SLC41A2: variants seen among roughly 807,000 people sequenced by gnomAD.
SLC41A2 encodes solute carrier family 41 member 2, also known as SLC41A1-like 1.
In SLC41A2, 32 loss-of-function variants were observed where a neutral mutation model predicts 58.3. The observed-to-expected ratio is 0.55, with a 90% CI of 0.41 to 0.74. The LOEUF is 0.74. Ranked by LOEUF, SLC41A2 falls within the 30% of genes least tolerant of loss-of-function variation. SLC41A2 has a pLI of 0.00. For synonymous variants in SLC41A2, 190 were observed against 235.0 expected (o/e 0.81, Z 1.75); for missense variants, 514 against 680.6 (o/e 0.76, Z 2.72).
At chr12:104,931,662 G>C (rs891910122) in intron 1 of SLC41A2, 2 of 152,166 alleles carry the variant, frequency 1.3e-5, no homozygotes, top group African/African-American at 4.8e-5. Context: ...GGCCTTTGGG[G>C]GAAGACTTTC....
chr12:104,896,993 G>A (rs144234432), intron 3 of SLC41A2, among the ~76,000 whole-genome samples: 50 of 151,850 alleles, frequency 3.3e-4, no homozygotes, highest in Middle Eastern at 6.8e-3. Context: ...GCTTCAGGTG[G>A]CTTCACTGAG....
intron 2 of SLC41A2, among the ~76,000 whole-genome samples, chr12:104,913,262 G>C (rs2046162680): frequency 6.6e-6 from 1 of 152,172 alleles, no homozygotes; most frequent in Non-Finnish European, 1.5e-5. Flanking sequence ...GCGTGACCTT[G>C]AAAACTGAGT....
At chr12:104,939,008 C>T (rs994453350) in intron 1 of SLC41A2, among the ~76,000 whole-genome samples, 3 of 152,028 alleles carry the variant, frequency 2.0e-5, no homozygotes, top group African/African-American at 7.2e-5. Context: ...CATTTTAACA[C>T]CAAAAATGTA....
chr12:104,929,869 A>G (rs1307738335), intron 1 of SLC41A2, among the ~76,000 whole-genome samples: 1 of 152,228 alleles, frequency 6.6e-6, no homozygotes, highest in East Asian at 1.9e-4. Flanking sequence ...ATTCCTCAGT[A>G]TTTGTTTCCA....
intron 10 of SLC41A2, among the ~76,000 whole-genome samples, chr12:104,812,939 G>A (rs1364022055): frequency 6.6e-6 from 1 of 152,156 alleles, no homozygotes; most frequent in South Asian, 2.1e-4. Context: ...CAGCTGTTTG[G>A]GAGGCCAAGG....
At chr12:104,931,633 G>A (rs906353049) in intron 1 of SLC41A2, 5 of 152,196 alleles carry the variant, frequency 3.3e-5, no homozygotes, top group African/African-American at 1.2e-4. Context: ...ATGACTTACA[G>A]GGCTATTTCA....
chr12:104,904,043 T>C (rs1395750151), intron 3 of SLC41A2, among the ~76,000 whole-genome samples: 1 of 152,188 alleles, frequency 6.6e-6, no homozygotes, highest in Non-Finnish European at 1.5e-5. Context: ...GGTTTAACGG[T>C]AGTATGTGAT....
intron 8 of SLC41A2, among the ~76,000 whole-genome samples, chr12:104,848,068 A>C (rs1219776736): frequency 2.0e-5 from 3 of 152,212 alleles, no homozygotes; most frequent in African/African-American, 4.8e-5. Flanking sequence ...ATGGAACATT[A>C]ATGAAGATAG....
At chr12:104,866,375 C>CGT (rs1263607576) in intron 7 of SLC41A2, 57 bp downstream of exon 7, 145 of 1,429,680 alleles carry the variant, frequency 1.0e-4, no homozygotes, top group African/African-American at 9.6e-4. Context: ...CAAAGACAGA[C>CGT]AGACGTACAC....
At chr12:104,938,753 T>G (rs1164871663) in intron 1 of SLC41A2, among the ~76,000 whole-genome samples, 2 of 152,230 alleles carry the variant, frequency 1.3e-5, no homozygotes, top group African/African-American at 4.8e-5. Flanking sequence ...AATTGTTTAT[T>G]ATCACAGCAT....
chr12:104,840,108 CAG>C (rs2042358040), intron 10 of SLC41A2, among the ~76,000 whole-genome samples: 1 of 152,148 alleles, frequency 6.6e-6, no homozygotes, highest in Non-Finnish European at 1.5e-5. Context: ...GGCAAACAAA[CAG>C]AAAACCCTGA....
intron 9 of SLC41A2, 32 bp downstream of exon 9, chr12:104,845,811 T>A (rs912182403): frequency 1.9e-6 from 3 of 1,584,004 alleles, no homozygotes; most frequent in Admixed American, 1.7e-5. Flanking sequence ...TAGCCCTTGA[T>A]CTAAAATATG....
chr12:104,941,475 T>A (rs1165285266), intron 1 of SLC41A2, among the ~76,000 whole-genome samples: 1 of 152,168 alleles, frequency 6.6e-6, no homozygotes, highest in Non-Finnish European at 1.5e-5. Context: ...GTTCTCAGAA[T>A]CACAACCCTC....
chr12:104,879,740 G>A (rs1322933981), intron 6 of SLC41A2, among the ~76,000 whole-genome samples: 1 of 152,118 alleles, frequency 6.6e-6, no homozygotes, highest in East Asian at 1.9e-4. Context: ...GACGCCTCCA[G>A]CTTTGTTCTT....
chr12:104,922,587 T>TC (rs2046649019), intron 2 of SLC41A2, among the ~76,000 whole-genome samples: 1 of 152,074 alleles, frequency 6.6e-6, no homozygotes, highest in Non-Finnish European at 1.5e-5. Context: ...GTAGGGGACT[T>TC]CAACACTCCA....
At chr12:104,854,148 T>G (rs2136383239) in intron 8 of SLC41A2, among the ~76,000 whole-genome samples, 1 of 151,764 alleles carries the variant, frequency 6.6e-6, no homozygotes, top group Middle Eastern at 3.4e-3. Context: ...CATTTACACA[T>G]ACAGCACATA....
intron 2 of SLC41A2, among the ~76,000 whole-genome samples, chr12:104,920,728 T>C (rs1159918771): frequency 2.0e-5 from 3 of 151,738 alleles, no homozygotes; most frequent in Admixed American, 2.0e-4. Context: ...ATCGAGACCA[T>C]CCTGGCTAAC....
chr12:104,914,509 G>A (rs1301067933), intron 2 of SLC41A2, among the ~76,000 whole-genome samples: 1 of 152,188 alleles, frequency 6.6e-6, no homozygotes, highest in East Asian at 1.9e-4. Context: ...GAAATGGAGT[G>A]TGATCTAATG....
At position 104,866,590 on chromosome 12, in the gene SLC41A2, A is replaced by T. The variant is rs1349477321; in HGVS notation, c.1028-11T>A. The T allele has an allele frequency of 7.8e-6, 6 of 770,418 alleles. No homozygotes were observed. The highest frequency in any genetic ancestry group is 2.5e-5 in the South Asian group (1 of 40,476). The allele number at this position is 770,418 out of a possible 1,614,324, so 47.7% of individuals were successfully genotyped here. A position where few individuals can be genotyped will look rare whatever the true frequency, so the allele number is the denominator to read the frequency against. On this transcript the variant is annotated splice_polypyrimidine_tract_variant and intron_variant, in intron 6 of 10. Coordinates refer to ENST00000258538, the MANE Select transcript of SLC41A2 (RefSeq NM_001352171.3). Reference sequence around the variant, plus strand: ...TGTAGTAATAGGTCTCTAAAATTAAAAAAAAAAAAAAAAAGAGAGACAACA... The same window carrying T: ...TGTAGTAATAGGTCTCTAAAATTAATAAAAAAAAAAAAAAGAGAGACAACA...
Sources: allele counts gnomAD v4.1 joint callset (sites outside exome capture counted in the v4.1 genomes callset), GRCh38; gene constraint gnomAD v4.1.1; transcripts MANE v1.5; gene names NCBI Gene and HGNC (gene_info 2026-07-23, HGNC 2026-07-21).